The following INPP4A variants were observed in gnomAD, a reference collection of about 807,000 sequenced individuals.
The protein encoded by INPP4A is inositol polyphosphate-4-phosphatase type I A, also known as inositol polyphosphate-4-phosphatase, type I, 107kD.
In INPP4A, 33 loss-of-function variants were observed where a neutral mutation model predicts 119.8. That is an observed-to-expected ratio of 0.28 (90% CI 0.21 to 0.37). INPP4A has a LOEUF of 0.37. Among genes scored for constraint, INPP4A ranks in the 10% least tolerant of loss-of-function variants. INPP4A has a pLI of 1.00. For missense variants in INPP4A, 956 were observed against 1,289.9 expected, an observed-to-expected ratio of 0.74 and a Z score of 3.97; for synonymous variants, 496 against 500.7, an observed-to-expected ratio of 0.99 and a Z score of 0.12.
Position 98,511,614 on chromosome 2 carries a change from G to A in INPP4A, c.-165-7350G>A, listed in dbSNP as rs948350719. Among the ~76,000 whole-genome samples, 3 of 152,064 alleles carry A rather than the reference G, an allele frequency of 2.0e-5. 1 individual carries two copies. Among genetic ancestry groups the A allele is most frequent in the South Asian group, 4.1e-4 (2 of 4,822 alleles). ...CAGAACATGGATGTCTATCCTGGAG[G>A]GACAGAGCACCCACCTCACTTCCCT... On this transcript the variant is annotated intron_variant, in intron 1 of 24. Transcript: ENST00000409851.
intron 14 of INPP4A, 34 bp downstream of exon 14, chr2:98,553,003 G>A (rs1224997944): frequency 1.3e-6 from 2 of 1,554,940 alleles, no homozygotes; most frequent in Non-Finnish European, 1.7e-6. Flanking sequence ...ATGGGCTGGG[G>A]AGTTTCCTTG....
intron 22 of INPP4A, chr2:98,571,981 T>C (rs1246740113): frequency 6.6e-6 from 1 of 152,566 alleles, no homozygotes; most frequent in Non-Finnish European, 1.5e-5. Flanking sequence ...GTGAAGTAAT[T>C]AGCACAGGAC....
In INPP4A at chr2:98,566,525, A is replaced by G. The variant is rs1696477815; in HGVS notation, c.2420+356A>G. On this transcript the variant is annotated intron_variant, in intron 21 of 24. Coordinates refer to ENST00000409851, the MANE Select transcript of INPP4A (RefSeq NM_001134225.2). The surrounding 1 kb of genome is among the most constrained non-coding windows in gnomAD (Gnocchi z 4.2). ...GGGGATGGGGCTTTGAATTGTGAAT[A>G]GGAGTTGGATGATGAGGTGGAGGGG... 1.3e-5 allele frequency among the ~76,000 whole-genome samples: 2 copies of G among 152,110 alleles called. 1 individual carries two copies. Among genetic ancestry groups the G allele is most frequent in the South Asian group, 4.2e-4 (2 of 4,818 alleles).
chr2:98,540,464 A>C (rs1691203186), intron 10 of INPP4A, among the ~76,000 whole-genome samples: 1 of 152,240 alleles, frequency 6.6e-6, no homozygotes, highest in Admixed American at 6.5e-5. Context: ...GGAGAAGCCC[A>C]ACAGGTGGCC....
At chr2:98,565,979 C>A in intron 20 of INPP4A, 50 bp from the exon 21 acceptor site, 1 of 1,571,594 alleles carries the variant, frequency 6.4e-7, no homozygotes, top group Non-Finnish European at 8.6e-7. Flanking sequence ...GCAGCCTGCT[C>A]GGTGGCCCTC....
chr2:98,491,452 C>T (rs1194069994), intron 1 of INPP4A, among the ~76,000 whole-genome samples: 1 of 152,206 alleles, frequency 6.6e-6, no homozygotes, highest in Non-Finnish European at 1.5e-5. Context: ...GATGTGGTTT[C>T]CAGGCCTCCA....
chr2:98,462,721 A>G (rs931654322), intron 1 of INPP4A, among the ~76,000 whole-genome samples: 13 of 151,802 alleles, frequency 8.6e-5, no homozygotes, highest in African/African-American at 2.9e-4. Flanking sequence ...GGGTTTGGCT[A>G]TGTTGCCTAG....
Position 98,491,071 on chromosome 2 carries a change from G to A in INPP4A, c.-165-27893G>A, listed in dbSNP as rs563721715. Among the ~76,000 whole-genome samples, 32 of 152,310 alleles carry A rather than the reference G, an allele frequency of 2.1e-4. No homozygotes were observed. In the South Asian group the frequency reaches 6.4e-3, roughly 31 times the overall value. ...CCCAAACTGGGTCAGACAGACAATA[G>A]TAGGAACAACAAGTTCTGCCTATGT... On this transcript the variant is annotated intron_variant, in intron 1 of 24. Coordinates refer to ENST00000409851, the MANE Select transcript of INPP4A (RefSeq NM_001134225.2).
chr2:98,553,102 G>A lies in INPP4A; in HGVS notation c.1347+133G>A. On this transcript the variant is annotated intron_variant, in intron 14 of 24. Transcript: ENST00000409851. ...GGGATGACTTTGAAGGTCTACCTTA[G>A]GTCCATTTCGCACAAAGGCCCAGGG... is the stretch of plus-strand genomic sequence containing the variant. 3 of 725,466 alleles carry A rather than the reference G, an allele frequency of 4.1e-6. No homozygotes were observed. In the South Asian group the frequency reaches 5.7e-5, roughly 14 times the overall value. The allele number at this position is 725,466 out of a possible 1,614,324, so 44.9% of individuals were successfully genotyped here.
At chr2:98,539,257 GT>G (rs1690933881) in intron 9 of INPP4A, among the ~76,000 whole-genome samples, 1 of 152,200 alleles carries the variant, frequency 6.6e-6, no homozygotes, top group South Asian at 2.1e-4. Flanking sequence ...TCACATTGGG[GT>G]TGGTGACTGA....
chr2:98,460,757 A>G (rs898516621), intron 1 of INPP4A, among the ~76,000 whole-genome samples: 5 of 152,160 alleles, frequency 3.3e-5, no homozygotes, highest in South Asian at 2.1e-4. Flanking sequence ...GGATGTCCAC[A>G]ATGCAGACCA....
At chr2:98,550,337 A>G (rs1575039843) in intron 13 of INPP4A, among the ~76,000 whole-genome samples, 1 of 152,072 alleles carries the variant, frequency 6.6e-6, no homozygotes, top group East Asian at 1.9e-4. Flanking sequence ...CCAGCCTCCC[A>G]ATCCTCCTAC....
chr2:98,467,938 G>A (rs1319339250), intron 1 of INPP4A, among the ~76,000 whole-genome samples: 1 of 152,216 alleles, frequency 6.6e-6, no homozygotes, highest in Non-Finnish European at 1.5e-5. Flanking sequence ...TACATGAAAT[G>A]AAATGTTCTC....
intron 1 of INPP4A, among the ~76,000 whole-genome samples, chr2:98,498,835 G>A (rs1202508288): frequency 6.6e-6 from 1 of 152,224 alleles, no homozygotes; most frequent in African/African-American, 2.4e-5. Flanking sequence ...GGCCATGTGA[G>A]GACACAGCTA....
intron 13 of INPP4A, among the ~76,000 whole-genome samples, chr2:98,551,237 A>G (rs1693461565): frequency 1.3e-5 from 2 of 152,242 alleles, no homozygotes; most frequent in African/African-American, 2.4e-5. Context: ...ATTATAGGCC[A>G]CCATGCTTGG....
rs550714931 is a variant in INPP4A, at chr2:98,500,586, G to A, written c.-165-18378G>A. 3.9e-5 allele frequency among the ~76,000 whole-genome samples: 6 copies of A among 152,260 alleles called. No homozygotes were observed. In the South Asian group the frequency reaches 1.0e-3, roughly 26 times the overall value. On this transcript the variant is annotated intron_variant, in intron 1 of 24. Transcript: ENST00000409851. ...TTGGGCTCAACTCCCAATACAGCAC[G>A]GGCAAGTGGGAATTTGTAGTCTAGG... is the stretch of plus-strand genomic sequence containing the variant.
At chr2:98,467,791 A>T (rs1675100004) in intron 1 of INPP4A, among the ~76,000 whole-genome samples, 2 of 152,238 alleles carry the variant, frequency 1.3e-5, no homozygotes, top group Admixed American at 1.3e-4. Flanking sequence ...TGAGTTGAAT[A>T]GTTATCTATT....
intron 1 of INPP4A, among the ~76,000 whole-genome samples, chr2:98,509,929 A>T (rs554930678): frequency 1.3e-5 from 2 of 152,340 alleles, no homozygotes; most frequent in East Asian, 3.9e-4. Flanking sequence ...AGGACATAAA[A>T]GAAGTGAGGG....
chr2:98,481,163 T>C (rs1031302503), intron 1 of INPP4A, among the ~76,000 whole-genome samples: 1 of 152,164 alleles, frequency 6.6e-6, no homozygotes, highest in East Asian at 1.9e-4. Flanking sequence ...CTGTGAACTT[T>C]TCCTGCATCT....
Sources: gnomAD v4.1 joint callset for allele counts (sites outside exome capture counted in the v4.1 genomes callset) on GRCh38, gnomAD v4.1.1 for gene constraint, Gnocchi (gnomAD v3.1) non-coding constraint, MANE v1.5 for transcripts, NCBI Gene and HGNC (gene_info 2026-07-23, HGNC 2026-07-21) for gene names.